The following AGMO variants were observed in gnomAD, a reference collection of about 807,000 sequenced individuals.
The protein encoded by AGMO is glyceryl-ether monooxygenase.
AGMO carries 75 observed loss-of-function variants against 60.2 expected under a neutral mutation model. The ratio of observed to expected loss-of-function variants is 1.25; its 90% CI spans 1.03 to 1.51. The LOEUF (loss-of-function observed/expected upper bound fraction) is 1.51, where lower values mean the gene tolerates loss of function less well. Ranked by LOEUF, AGMO falls within the 40% of genes most tolerant of loss-of-function variation. The probability of loss-of-function intolerance (pLI) is 0.00; values close to 1 mark genes in which losing one functional copy is unlikely to be tolerated. For synonymous variants in AGMO, 261 were observed against 177.1 expected (o/e 1.47, Z -3.76); for missense variants, 763 against 525.5 (o/e 1.45, Z -4.42).
chr7:15,158,440 A>G, the AGMO span, among the ~76,000 whole-genome samples: 1 of 152,230 alleles, frequency 6.6e-6, no homozygotes, highest in South Asian at 2.1e-4. Context: ...TGTAACAACA[A>G]CAACATATAA....
chr7:15,268,502 ATATT>A (rs1474628072), intron 12 of AGMO, among the ~76,000 whole-genome samples: 1 of 152,004 alleles, frequency 6.6e-6, no homozygotes, highest in African/African-American at 2.4e-5. Context: ...TCATGCAATT[ATATT>A]TATTGTTTAG....
Position 15,354,496 on chromosome 7 carries a change from GTATATATATATATATATATATA to G in AGMO, c.1263+10996_1263+11017del, listed in dbSNP as rs60044874. Among the ~76,000 whole-genome samples the G allele has an allele frequency of 4.8e-4, 9 of 18,798 alleles. 1 individual carries two copies. The highest frequency in any genetic ancestry group is 1.7e-3 in the East Asian group (1 of 582). 12.3% of individuals were successfully genotyped at this position (18,798 alleles called of 152,430 possible). A position where few individuals can be genotyped will look rare whatever the true frequency, so the allele number is the denominator to read the frequency against. ...TACACACGTGTGTATATACACACGT[GTATATATATATATATATATATA>G]TATATATATATATATATATATAGCT... On this transcript the variant is annotated intron_variant, in intron 12 of 12. Coordinates refer to ENST00000342526, the MANE Select transcript of AGMO (RefSeq NM_001004320.2).
rs368469050 is a variant in AGMO at position 15,274,539 on chromosome 7, G to C, written c.1264-73180C>G. On this transcript the variant is annotated intron_variant, in intron 12 of 12. Coordinates refer to ENST00000342526, the MANE Select transcript of AGMO (RefSeq NM_001004320.2). Reference sequence around the variant, plus strand: ...TTTGATTGGTCTATGTTTTTATTTTGTGTTGTTGTGTCCTTTCTTGATTTG... The same window carrying C: ...TTTGATTGGTCTATGTTTTTATTTTCTGTTGTTGTGTCCTTTCTTGATTTG... 3.4e-4 allele frequency among the ~76,000 whole-genome samples: 51 copies of C among 151,814 alleles called. No homozygotes were observed. In the East Asian group the frequency reaches 4.1e-3, roughly 12 times the overall value.
intron 10 of AGMO, among the ~76,000 whole-genome samples, chr7:15,374,416 G>C (rs1783361378): frequency 6.6e-6 from 1 of 152,088 alleles, no homozygotes; most frequent in East Asian, 1.9e-4. Flanking sequence ...GAATTGACAT[G>C]GAGTTCATCA....
chr7:15,280,201 G>A (rs958379244), intron 12 of AGMO, among the ~76,000 whole-genome samples: 2 of 152,298 alleles, frequency 1.3e-5, no homozygotes, highest in Non-Finnish European at 1.5e-5. Context: ...TATGGCCTGG[G>A]TCAGATTTTA....
chr7:15,415,527 G>A (rs1780740742), intron 5 of AGMO, among the ~76,000 whole-genome samples: 3 of 152,000 alleles, frequency 2.0e-5, no homozygotes, highest in South Asian at 4.2e-4. Flanking sequence ...TGGCAACAGA[G>A]TGAGACTACC....
intron 3 of AGMO, among the ~76,000 whole-genome samples, chr7:15,476,699 T>A (rs969863805): frequency 6.6e-6 from 1 of 152,128 alleles, no homozygotes; most frequent in African/African-American, 2.4e-5. Flanking sequence ...TGAAAGTTGT[T>A]CGTTAGATTA....
intron 3 of AGMO, among the ~76,000 whole-genome samples, chr7:15,464,573 A>G (rs1323225073): frequency 1.3e-5 from 2 of 152,206 alleles, no homozygotes; most frequent in Non-Finnish European, 2.9e-5. Context: ...ATTAGTTTCA[A>G]AAAAGTTAGG....
intron 12 of AGMO, among the ~76,000 whole-genome samples, chr7:15,288,319 T>C (rs1006897507): frequency 6.6e-6 from 1 of 152,222 alleles, no homozygotes; most frequent in African/African-American, 2.4e-5. Flanking sequence ...ATTGTTTTCC[T>C]AGTAAAACAT....
chr7:15,192,736 A>G, the AGMO span, among the ~76,000 whole-genome samples: 1 of 152,142 alleles, frequency 6.6e-6, no homozygotes, highest in Non-Finnish European at 1.5e-5. Flanking sequence ...TCCAGCGCCC[A>G]AAAGTGCCCG....
rs760159093 is a variant in AGMO, at chr7:15,418,668, T to TA, written c.514-16dup. On this transcript the variant is annotated splice_polypyrimidine_tract_variant and intron_variant, in intron 4 of 12. Coordinates refer to ENST00000342526, the MANE Select transcript of AGMO (RefSeq NM_001004320.2). ...GAGTAGAAAATCTGAAAGAAAAAAT[T>TA]AAAAAAAAATTAATTTGCATATATG... 8.2e-5 allele frequency: 120 copies of TA among 1,460,346 alleles called. No individual in the cohort carries two copies. The highest frequency in any genetic ancestry group is 1.4e-4 in the Admixed American group (6 of 44,418). The allele number at this position is 1,460,346 out of a possible 1,614,324, so 90.5% of individuals were successfully genotyped here.
chr7:15,310,896 T>C (rs2128531722), intron 12 of AGMO, among the ~76,000 whole-genome samples: 1 of 152,278 alleles, frequency 6.6e-6, no homozygotes. Flanking sequence ...ATTCTTTGGC[T>C]CATGGCCCTC....
intron 12 of AGMO, among the ~76,000 whole-genome samples, chr7:15,337,699 G>T (rs1031413748): frequency 1.3e-5 from 2 of 152,186 alleles, no homozygotes; most frequent in Non-Finnish European, 2.9e-5. Context: ...GAAATGCAAA[G>T]CAGCATCAGT....
At chr7:15,455,486 A>G (rs1277351117) in intron 3 of AGMO, among the ~76,000 whole-genome samples, 2 of 151,986 alleles carry the variant, frequency 1.3e-5, no homozygotes, top group Non-Finnish European at 1.5e-5. Context: ...TCCACCATCA[A>G]TTGGAGGTTT....
chr7:15,529,520 C>A, intron 3 of AGMO, among the ~76,000 whole-genome samples: 1 of 103,996 alleles, frequency 9.6e-6, no homozygotes, highest in Non-Finnish European at 2.0e-5. Flanking sequence ...AGAATCTGTT[C>A]TTAGACTAGA....
At chr7:15,147,696 G>A in the AGMO span, among the ~76,000 whole-genome samples, 1 of 152,064 alleles carries the variant, frequency 6.6e-6, no homozygotes, top group Admixed American at 6.6e-5. Flanking sequence ...TCCATTTTGG[G>A]TGGCTGTGTG....
intron 12 of AGMO, among the ~76,000 whole-genome samples, chr7:15,340,788 G>C (rs1031394561): frequency 6.6e-6 from 1 of 152,300 alleles, no homozygotes; most frequent in East Asian, 1.9e-4. Context: ...GAAAACCTCT[G>C]CTAGGGCAGT....
At chr7:15,123,372 T>C in the AGMO span, among the ~76,000 whole-genome samples, 3 of 152,160 alleles carry the variant, frequency 2.0e-5, no homozygotes, top group African/African-American at 4.8e-5. Flanking sequence ...GTAAGCCATA[T>C]GAGATCTGAG....
chr7:15,462,527 T>C (rs2164394), intron 3 of AGMO, among the ~76,000 whole-genome samples: 32,201 of 152,020 alleles, frequency 0.21, 4,425 homozygotes, highest in East Asian at 0.61. Flanking sequence ...CCTTCACTAC[T>C]GAACTCTAAA....
Sources: allele counts gnomAD v4.1 joint callset (sites outside exome capture counted in the v4.1 genomes callset), GRCh38; gene constraint gnomAD v4.1.1; transcripts MANE v1.5; gene names NCBI Gene and HGNC (gene_info 2026-07-23, HGNC 2026-07-21).